The following GRID1 variants were observed in gnomAD, a reference collection of about 807,000 sequenced individuals.
The protein encoded by GRID1 is glutamate receptor ionotropic, delta-1.
A neutral mutation model predicts 98.0 loss-of-function variants in GRID1; 28 were observed. The observed-to-expected ratio is 0.29, with a 90% CI of 0.21 to 0.39. The LOEUF (loss-of-function observed/expected upper bound fraction) is 0.39. GRID1 is among the 10% of genes least tolerant of loss of function. GRID1 has a pLI of 1.00. For synonymous variants in GRID1, 553 were observed against 538.5 expected (o/e 1.03, Z -0.37); for missense variants, 1,111 against 1,340.5 (o/e 0.83, Z 2.67).
chr10:86,366,242 T>C lies in GRID1; in HGVS notation c.79+72A>G. On this transcript the variant is annotated intron_variant, in intron 1 of 15. Transcript: ENST00000327946. This position sits in a 1 kb window ranked among gnomAD's most constrained non-coding sequence, Gnocchi z 4.1. ...CCCCTCGGCCCAGGGAAACGCCAAGTTTGGACGCCGCGCACCCCCTGCCCC... is the reference window on the plus strand; with the variant it reads ...CCCCTCGGCCCAGGGAAACGCCAAGCTTGGACGCCGCGCACCCCCTGCCCC... 1.8e-6 allele frequency: 2 copies of C among 1,120,026 alleles called. No homozygotes were observed. The highest frequency in any genetic ancestry group is 2.5e-6 in the Non-Finnish European group (2 of 814,146). The allele number at this position is 1,120,026 out of a possible 1,614,324, so 69.4% of individuals were successfully genotyped here. A position where few individuals can be genotyped will look rare whatever the true frequency, so the allele number is the denominator to read the frequency against.
At chr10:85,814,754 C>T (rs892604515) in intron 8 of GRID1, among the ~76,000 whole-genome samples, 1 of 151,752 alleles carries the variant, frequency 6.6e-6, no homozygotes, top group African/African-American at 2.4e-5. Context: ...AATGAGATAA[C>T]CCTCATATCT....
At chr10:86,065,857 T>C (rs976103624) in intron 4 of GRID1, among the ~76,000 whole-genome samples, 14 of 152,310 alleles carry the variant, frequency 9.2e-5, no homozygotes, top group African/African-American at 3.1e-4. Flanking sequence ...TCACTCAAGA[T>C]CCTTCTAGAT....
At chr10:86,077,080 TGA>T (rs1451132568) in intron 4 of GRID1, among the ~76,000 whole-genome samples, 4 of 138,024 alleles carry the variant, frequency 2.9e-5, no homozygotes, top group African/African-American at 1.1e-4. Context: ...CAACTCATAC[TGA>T]GTCAAACTGG....
At chr10:86,242,602 AG>A (rs1363071758) in intron 2 of GRID1, among the ~76,000 whole-genome samples, 1 of 152,196 alleles carries the variant, frequency 6.6e-6, no homozygotes, top group Non-Finnish European at 1.5e-5. Context: ...AAAGAGTGCA[AG>A]GGGCTAAGGC....
intron 12 of GRID1, among the ~76,000 whole-genome samples, chr10:85,681,309 A>T (rs1841205759): frequency 6.6e-6 from 1 of 152,156 alleles, no homozygotes; most frequent in African/African-American, 2.4e-5. Flanking sequence ...CATGTCCAAC[A>T]TTGCACCAAC....
In GRID1 at chr10:85,717,323, A is replaced by C. The variant is rs148959254; in HGVS notation, c.1997+5680T>G. On this transcript the variant is annotated intron_variant, in intron 12 of 15. Coordinates refer to ENST00000327946, the MANE Select transcript of GRID1 (RefSeq NM_017551.3). ...AAGACATACCTGAAACTGGGAACAA[A>C]AAAAAAAAAGGTTTAATTGGACTTA... is the stretch of plus-strand genomic sequence containing the variant. Among the ~76,000 whole-genome samples, 1,345 of 152,054 alleles carry C rather than the reference A, an allele frequency of 8.8e-3. 10 individuals carry two copies. Among genetic ancestry groups the C allele is most frequent in the Middle Eastern group, 0.017 (5 of 290 alleles).
chr10:85,809,229 T>A (rs1210442292), intron 8 of GRID1, among the ~76,000 whole-genome samples: 1 of 152,084 alleles, frequency 6.6e-6, no homozygotes, highest in Non-Finnish European at 1.5e-5. Flanking sequence ...AAACAGAGCA[T>A]AAAAGATACA....
intron 5 of GRID1, among the ~76,000 whole-genome samples, chr10:85,870,643 G>A (rs1207572103): frequency 6.6e-6 from 1 of 152,224 alleles, no homozygotes; most frequent in Non-Finnish European, 1.5e-5. Flanking sequence ...TGGTGCTGTG[G>A]AAGGAAGGTG....
In GRID1 at chr10:86,199,722, C is replaced by T. The variant is rs143400309; in HGVS notation, c.520+6642G>A. Among the ~76,000 whole-genome samples the T allele has an allele frequency of 2.0e-3, 300 of 152,220 alleles. 5 individuals carry two copies. Among genetic ancestry groups the T allele is most frequent in the Middle Eastern group, 0.01 (3 of 294 alleles). On this transcript the variant is annotated intron_variant, in intron 3 of 15. Transcript: ENST00000327946. Reference sequence around the variant, plus strand: ...TGACGCCTGGGTCATCTGGGAAATTCGGGTCCTACCTCTAGCTTAGACTCT... The same window carrying T: ...TGACGCCTGGGTCATCTGGGAAATTTGGGTCCTACCTCTAGCTTAGACTCT...
chr10:85,856,164 A>G lies in GRID1; in HGVS notation c.978T>C (p.Ser326=). The G allele has an allele frequency of 1.2e-6, 2 of 1,614,158 alleles. No homozygotes were observed. The highest frequency in any genetic ancestry group is 1.7e-6 in the Non-Finnish European group (2 of 1,179,994). The change falls in exon 7 of 16, where the codon AGT becomes AGC. Residue 326 remains serine, a synonymous_variant. Coordinates refer to ENST00000327946, the MANE Select transcript of GRID1 (RefSeq NM_017551.3). Reference sequence around the variant, plus strand: ...GAAAGGCGTTGGCCAGCATCAGAACACTGTCATACAGATAGAGGTTGGAGA... The same window carrying G: ...GAAAGGCGTTGGCCAGCATCAGAACGCTGTCATACAGATAGAGGTTGGAGA... The part of the protein sequence containing the change: ...LQISNLYLYD[S]VLMLANAFHR...
chr10:86,006,532 C>A (rs981654460), intron 4 of GRID1, among the ~76,000 whole-genome samples: 1 of 152,090 alleles, frequency 6.6e-6, no homozygotes, highest in East Asian at 1.9e-4. Flanking sequence ...GTGGGAGAAT[C>A]GCTTGAACCC....
At chr10:86,160,609 G>A (rs1845306962) in intron 3 of GRID1, among the ~76,000 whole-genome samples, 3 of 152,206 alleles carry the variant, frequency 2.0e-5, no homozygotes, top group Admixed American at 1.3e-4. Context: ...CAGACATGCT[G>A]AGCAGAAAGA....
intron 2 of GRID1, among the ~76,000 whole-genome samples, chr10:86,250,846 C>T (rs938542472): frequency 1.1e-4 from 16 of 152,186 alleles, no homozygotes; most frequent in African/African-American, 2.9e-4. Flanking sequence ...GGGAGGTGTA[C>T]CCAACAGCTC....
chr10:85,863,520 G>A (rs1245115568), intron 6 of GRID1, among the ~76,000 whole-genome samples: 1 of 152,226 alleles, frequency 6.6e-6, no homozygotes, highest in Non-Finnish European at 1.5e-5. Context: ...TTCCACCTGG[G>A]CAAGCACTGG....
chr10:85,952,282 C>G (rs1403085561), intron 4 of GRID1, among the ~76,000 whole-genome samples: 2 of 152,190 alleles, frequency 1.3e-5, no homozygotes, highest in Admixed American at 1.3e-4. Context: ...CATGAGGAAG[C>G]AAACTCCTAG....
Position 85,861,991 on chromosome 10 carries a change from A to G in GRID1, c.952-5801T>C, listed in dbSNP as rs1843167657. On this transcript the variant is annotated intron_variant, in intron 6 of 15. Coordinates refer to ENST00000327946, the MANE Select transcript of GRID1 (RefSeq NM_017551.3). ...CACACTGCACAGAGTTGCCTTTCTC[A>G]GATACACGTCTTCCACATCACATCA... 2.0e-5 allele frequency among the ~76,000 whole-genome samples: 3 copies of G among 151,116 alleles called. No individual in the cohort carries two copies. In the South Asian group the frequency reaches 6.3e-4, roughly 32 times the overall value.
chr10:85,877,602 A>T (rs1840915390), intron 5 of GRID1, among the ~76,000 whole-genome samples: 1 of 152,246 alleles, frequency 6.6e-6, no homozygotes, highest in South Asian at 2.1e-4. Flanking sequence ...AAGGACATCC[A>T]CACCAAAAAC....
chr10:86,271,429 T>A (rs1466980946), intron 2 of GRID1, among the ~76,000 whole-genome samples: 1 of 151,810 alleles, frequency 6.6e-6, no homozygotes, highest in Admixed American at 6.6e-5. Flanking sequence ...AGGAAAAAAA[T>A]TTACCCATGT....
intron 2 of GRID1, among the ~76,000 whole-genome samples, chr10:86,342,636 G>C (rs922944615): frequency 4.6e-5 from 7 of 152,244 alleles, no homozygotes; most frequent in Non-Finnish European, 8.8e-5. Flanking sequence ...AGAACAGGAA[G>C]TTTGGCCCAG....
Sources: allele counts gnomAD v4.1 joint callset (sites outside exome capture counted in the v4.1 genomes callset), GRCh38; gene constraint gnomAD v4.1.1; non-coding constraint Gnocchi (gnomAD v3.1); transcripts MANE v1.5; gene names NCBI Gene and HGNC (gene_info 2026-07-23, HGNC 2026-07-21).